ZBTB20: variants seen among roughly 807,000 people sequenced by gnomAD.
The protein encoded by ZBTB20 is zinc finger and BTB domain containing 20.
Under a neutral mutation model 56.9 loss-of-function variants are expected in ZBTB20, and 9 were observed. That is an observed-to-expected ratio of 0.16 (90% CI 0.10 to 0.28). ZBTB20 has a LOEUF of 0.28. Ranked by LOEUF, ZBTB20 falls within the 10% of genes least tolerant of loss-of-function variation. ZBTB20 has a pLI of 1.00. For missense variants in ZBTB20, 655 were observed against 1,003.0 expected (o/e 0.65, Z 4.69); for synonymous variants, 417 against 420.7 (o/e 0.99, Z 0.11).
rs78066231 is a variant in ZBTB20 at position 114,561,551 on chromosome 3, T to C, written c.-294-61160A>G. Among the ~76,000 whole-genome samples, 16 of 152,288 alleles carry C rather than the reference T, an allele frequency of 1.1e-4. 1 individual carries two copies. In the East Asian group the frequency reaches 2.9e-3, roughly 28 times the overall value. ...ATCAGAGTTTTTCGGTGACCAGGTA[T>C]TGTCAATGAGCAGTAGTATGTTGAA... On this transcript the variant is annotated intron_variant, in intron 6 of 11. Coordinates refer to ENST00000675478, the MANE Select transcript of ZBTB20 (RefSeq NM_001348800.3).
chr3:114,455,229 C>T (rs1220593967), intron 7 of ZBTB20, among the ~76,000 whole-genome samples: 5 of 152,106 alleles, frequency 3.3e-5, no homozygotes, highest in South Asian at 4.2e-4. Flanking sequence ...ATTAGCTGTT[C>T]GGCTTAGACA....
At chr3:114,660,262 C>T (rs958453246) in intron 6 of ZBTB20, among the ~76,000 whole-genome samples, 6 of 152,122 alleles carry the variant, frequency 3.9e-5, no homozygotes, top group African/African-American at 1.2e-4. Context: ...TCGTTTCCCT[C>T]GGTTGGAGAA....
chr3:114,764,473 C>T (rs935821112), intron 5 of ZBTB20, among the ~76,000 whole-genome samples: 10 of 152,118 alleles, frequency 6.6e-5, no homozygotes, highest in African/African-American at 1.4e-4. Flanking sequence ...GTGCAGGCCC[C>T]GCATCCTGCT....
At chr3:114,408,768 C>CT (rs11430288) in intron 7 of ZBTB20, among the ~76,000 whole-genome samples, 29,925 of 150,068 alleles carry the variant, frequency 0.2, 3,803 homozygotes, top group African/African-American at 0.35. Flanking sequence ...CATTTATATA[C>CT]TTTTTCTTTT....
At chr3:114,763,589 T>C (rs1323250241) in intron 5 of ZBTB20, among the ~76,000 whole-genome samples, 1 of 152,134 alleles carries the variant, frequency 6.6e-6, no homozygotes, top group Non-Finnish European at 1.5e-5. Flanking sequence ...ATAGCATATA[T>C]AGTACCTCAG....
chr3:114,501,804 G>C (rs2044020803), intron 6 of ZBTB20, among the ~76,000 whole-genome samples: 1 of 148,668 alleles, frequency 6.7e-6, no homozygotes, highest in Admixed American at 6.7e-5. Context: ...TGCCTCCTGA[G>C]TTTAAGCGAT....
intron 4 of ZBTB20, among the ~76,000 whole-genome samples, chr3:114,834,761 GA>G (rs1358131306): frequency 6.6e-6 from 1 of 152,028 alleles, no homozygotes. Flanking sequence ...CCCATGGCAA[GA>G]GTCCCGTTCT....
At chr3:115,109,798 T>C (rs373851264) in intron 1 of ZBTB20, among the ~76,000 whole-genome samples, 9 of 152,134 alleles carry the variant, frequency 5.9e-5, no homozygotes, top group African/African-American at 2.2e-4. Context: ...TGAGGAAAAG[T>C]ATATTAAGTA....
chr3:114,708,673 T>C (rs2063863338), intron 5 of ZBTB20, among the ~76,000 whole-genome samples: 1 of 152,154 alleles, frequency 6.6e-6, no homozygotes, highest in South Asian at 2.1e-4. Flanking sequence ...TTTGGAATAC[T>C]GTTAAGTGAA....
At chr3:114,890,404 G>A (rs2076761765) in intron 4 of ZBTB20, among the ~76,000 whole-genome samples, 1 of 152,184 alleles carries the variant, frequency 6.6e-6, no homozygotes, top group African/African-American at 2.4e-5. Flanking sequence ...AGAACCTACA[G>A]AAACACATGG....
At chr3:114,741,571 G>C (rs2066578844) in intron 5 of ZBTB20, among the ~76,000 whole-genome samples, 1 of 152,050 alleles carries the variant, frequency 6.6e-6, no homozygotes, top group African/African-American at 2.4e-5. Flanking sequence ...GTGTACTAAG[G>C]CTTCTCTACG....
chr3:115,140,125 C>A (rs564528098), intron 1 of ZBTB20, among the ~76,000 whole-genome samples: 1 of 151,740 alleles, frequency 6.6e-6, no homozygotes, highest in African/African-American at 2.4e-5. Context: ...CTGAAAATGA[C>A]CCTAAAAATG....
At chr3:114,855,978 G>A (rs1267835182) in intron 4 of ZBTB20, among the ~76,000 whole-genome samples, 1 of 152,152 alleles carries the variant, frequency 6.6e-6, no homozygotes, top group Admixed American at 6.5e-5. Flanking sequence ...TTATTTTAGG[G>A]AGGCGTTAGG....
At chr3:115,106,232 C>CTTT (rs1271544340) in intron 1 of ZBTB20, among the ~76,000 whole-genome samples, 13 of 130,514 alleles carry the variant, frequency 1.0e-4, no homozygotes, top group Non-Finnish European at 1.3e-4. Context: ...CACAATAATT[C>CTTT]TTTTTTTTTT....
At chr3:114,745,893 G>A (rs541867372) in intron 5 of ZBTB20, among the ~76,000 whole-genome samples, 1 of 152,226 alleles carries the variant, frequency 6.6e-6, no homozygotes, top group Middle Eastern at 3.4e-3. Context: ...AGGACAAGGA[G>A]GTCATTAAGC....
At chr3:114,498,772 T>A (rs955751851) in intron 7 of ZBTB20, among the ~76,000 whole-genome samples, 1 of 152,206 alleles carries the variant, frequency 6.6e-6, no homozygotes, top group Non-Finnish European at 1.5e-5. Context: ...GATTTGCATT[T>A]TCCTATGAGC....
At chr3:114,928,044 G>A (rs2076220875) in intron 3 of ZBTB20, among the ~76,000 whole-genome samples, 3 of 152,174 alleles carry the variant, frequency 2.0e-5, no homozygotes, top group African/African-American at 7.2e-5. Flanking sequence ...TGAGACTTTG[G>A]ACAGGTCCCT....
At chr3:115,129,507 A>G (rs1462026641) in intron 1 of ZBTB20, among the ~76,000 whole-genome samples, 6 of 152,230 alleles carry the variant, frequency 3.9e-5, no homozygotes, top group Non-Finnish European at 7.4e-5. Flanking sequence ...AAAATGGCCA[A>G]TGGCAAATTA....
At chr3:114,441,867 G>A (rs1444653386) in intron 7 of ZBTB20, among the ~76,000 whole-genome samples, 1 of 151,858 alleles carries the variant, frequency 6.6e-6, no homozygotes, top group Non-Finnish European at 1.5e-5. Flanking sequence ...AACTGTTGAT[G>A]GTAGCTCAAA....
Sources: gnomAD v4.1 joint callset for allele counts (sites outside exome capture counted in the v4.1 genomes callset) on GRCh38, gnomAD v4.1.1 for gene constraint, MANE v1.5 for transcripts, NCBI Gene and HGNC (gene_info 2026-07-23, HGNC 2026-07-21) for gene names.